GOLGA8B: variants seen among roughly 807,000 people sequenced by gnomAD.
The protein encoded by GOLGA8B is golgin subfamily A member 8B.
GOLGA8B carries 1 observed loss-of-function variant against 15.6 expected under a neutral mutation model. That is an observed-to-expected ratio of 0.06 (90% CI 0.02 to 0.30). The LOEUF (loss-of-function observed/expected upper bound fraction) is 0.30, where lower values mean the gene tolerates loss of function less well. Ranked by LOEUF, GOLGA8B falls within the 10% of genes least tolerant of loss-of-function variation. The pLI, the probability that GOLGA8B is intolerant of heterozygous loss-of-function variation, is 1.00. For missense variants in GOLGA8B, 17 were observed against 201.3 expected (o/e 0.08, Z 5.54); for synonymous variants, 9 against 80.3 (o/e 0.11, Z 4.75).
chr15:34,576,800 T>A (rs1889095285), intron 1 of GOLGA8B, among the ~76,000 whole-genome samples: 1 of 152,224 alleles, frequency 6.6e-6, no homozygotes, highest in Non-Finnish European at 1.5e-5. Context: ...CTTTCACGCG[T>A]ACCAGCCAGA....
At chr15:34,567,459 G>T (rs1888795364) in intron 1 of GOLGA8B, among the ~76,000 whole-genome samples, 1 of 151,824 alleles carries the variant, frequency 6.6e-6, no homozygotes, top group South Asian at 2.1e-4. Flanking sequence ...GCAGAGACGT[G>T]AAGCAGGCTG....
chr15:34,580,489 C>CCA (rs60400733), intron 1 of GOLGA8B, among the ~76,000 whole-genome samples: 128,130 of 151,930 alleles, frequency 0.84, 54,210 homozygotes, highest in Admixed American at 0.9. Context: ...ACGCAGGGTT[C>CCA]CAGAGAGAGC....
chr15:34,570,166 A>T (rs1595709249), intron 1 of GOLGA8B, among the ~76,000 whole-genome samples: 1 of 151,896 alleles, frequency 6.6e-6, no homozygotes, highest in Admixed American at 6.5e-5. Context: ...AGCTGAGGCT[A>T]CCAGTGGCTG....
rs1241862436 is a variant in GOLGA8B, at chr15:34,567,341, G to A, written c.-1122-13385C>T. On this transcript the variant is annotated intron_variant, in intron 1 of 23. Coordinates refer to ENST00000683415, the MANE Select transcript of GOLGA8B (RefSeq NM_001023567.5). ...TCCATACAAAACCACATGGGCCCTC[G>A]AGATCACACTGGGGCGCCCCCTTTG... is the stretch of plus-strand genomic sequence containing the variant. Among the ~76,000 whole-genome samples, 5 of 149,644 alleles carry A rather than the reference G, an allele frequency of 3.3e-5. 1 individual carries two copies. Among genetic ancestry groups the A allele is most frequent in the African/African-American group, 1.0e-4 (4 of 40,138 alleles).
intron 5 of GOLGA8B, 86 bp downstream of exon 5, chr15:34,546,845 GTTTT>G (rs971794882): frequency 1.5e-5 from 1 of 65,272 alleles, no homozygotes; most frequent in Non-Finnish European, 2.7e-5. Context: ...TTTGTGTTTT[GTTTT>G]TTTTGTTTTA....
intron 1 of GOLGA8B, among the ~76,000 whole-genome samples, chr15:34,572,676 TG>T (rs1409810359): frequency 1.3e-5 from 2 of 152,240 alleles, no homozygotes; most frequent in African/African-American, 4.8e-5. Context: ...GGGCACTGAA[TG>T]GGGCAGTGGT....
At chr15:34,578,588 C>CG (rs1422019681) in intron 1 of GOLGA8B, among the ~76,000 whole-genome samples, 1 of 152,224 alleles carries the variant, frequency 6.6e-6, no homozygotes, top group South Asian at 2.1e-4. Context: ...AGCTACCTGT[C>CG]CCCAGCCTCC....
chr15:34,573,802 C>G (rs1263506924), intron 1 of GOLGA8B, among the ~76,000 whole-genome samples: 1 of 151,824 alleles, frequency 6.6e-6, no homozygotes, highest in Non-Finnish European at 1.5e-5. Context: ...GCAGCTTTTC[C>G]TTGGATTCCT....
intron 1 of GOLGA8B, among the ~76,000 whole-genome samples, chr15:34,577,784 A>C (rs1282417990): frequency 6.6e-6 from 1 of 152,208 alleles, no homozygotes; most frequent in Non-Finnish European, 1.5e-5. Context: ...ATGCTATAAA[A>C]GATAAAACAT....
At position 34,557,676 on chromosome 15, in the gene GOLGA8B, G is replaced by GTGTGTC. The variant is rs1555405957; in HGVS notation, c.-1122-3721_-1122-3720insGACACA. On this transcript the variant is annotated intron_variant, in intron 1 of 23. Transcript: ENST00000683415. The stretch of plus-strand genomic sequence containing the variant: ...TGTGTGTGTGTGTGTGTGTGTGTGT[G>GTGTGTC]TGTGTGTCTGTGTACTGAGAGCTTG... Among the ~76,000 whole-genome samples, 167 of 107,858 alleles carry GTGTGTC rather than the reference G, an allele frequency of 1.5e-3. 9 individuals are homozygous for GTGTGTC. The highest frequency in any genetic ancestry group is 5.4e-3 in the African/African-American group (162 of 29,868). 70.8% of individuals were successfully genotyped at this position (107,858 alleles called of 152,430 possible).
At chr15:34,572,456 A>C (rs1401854383) in intron 1 of GOLGA8B, among the ~76,000 whole-genome samples, 2 of 152,262 alleles carry the variant, frequency 1.3e-5, no homozygotes, top group African/African-American at 2.4e-5. Context: ...CGTCAGAATA[A>C]TGCTGCTTGC....
intron 1 of GOLGA8B, among the ~76,000 whole-genome samples, chr15:34,573,812 T>C (rs1183272070): frequency 1.3e-5 from 2 of 151,806 alleles, no homozygotes; most frequent in Admixed American, 6.5e-5. Context: ...CTTGGATTCC[T>C]AGGACAACCA....
chr15:34,583,215 T>C (rs1392029688), intron 1 of GOLGA8B, among the ~76,000 whole-genome samples: 1 of 150,506 alleles, frequency 6.6e-6, no homozygotes, highest in Non-Finnish European at 1.5e-5. Flanking sequence ...GCGCCGAGAG[T>C]GGCCCCTCAC....
chr15:34,583,365 C>G (rs1752692084), intron 1 of GOLGA8B, among the ~76,000 whole-genome samples, 151 bp downstream of exon 1: 1 of 151,992 alleles, frequency 6.6e-6, no homozygotes, highest in Non-Finnish European at 1.5e-5. Context: ...GCGGCCTCCC[C>G]GCAGCCCCGC....
At chr15:34,576,338 G>A (rs1239403371) in intron 1 of GOLGA8B, among the ~76,000 whole-genome samples, 1 of 152,190 alleles carries the variant, frequency 6.6e-6, no homozygotes, top group Non-Finnish European at 1.5e-5. Flanking sequence ...TGATCAAGAA[G>A]AAAACCATTA....
intron 1 of GOLGA8B, among the ~76,000 whole-genome samples, chr15:34,578,401 T>C (rs927704141): frequency 5.3e-5 from 8 of 152,170 alleles, no homozygotes; most frequent in Non-Finnish European, 1.2e-4. Flanking sequence ...GCCCCTGTAC[T>C]TGCCCACCAA....
intron 1 of GOLGA8B, among the ~76,000 whole-genome samples, chr15:34,568,187 T>TA (rs1338815081): frequency 2.0e-5 from 3 of 147,460 alleles, no homozygotes; most frequent in Non-Finnish European, 4.5e-5. Context: ...AGTAGACAGT[T>TA]AAAGATTTCA....
chr15:34,573,016 G>A (rs1444953366), intron 1 of GOLGA8B, among the ~76,000 whole-genome samples: 2 of 152,172 alleles, frequency 1.3e-5, no homozygotes, highest in Non-Finnish European at 1.5e-5. Context: ...TCAGGAGACC[G>A]AGGCAGGAGG....
chr15:34,567,470 C>A (rs938286311), intron 1 of GOLGA8B, among the ~76,000 whole-genome samples: 10 of 151,774 alleles, frequency 6.6e-5, no homozygotes, highest in African/African-American at 2.2e-4. Flanking sequence ...AAGCAGGCTG[C>A]AGCTACTAAT....
Sources: allele counts gnomAD v4.1 joint callset (sites outside exome capture counted in the v4.1 genomes callset), GRCh38; gene constraint gnomAD v4.1.1; transcripts MANE v1.5; gene names NCBI Gene and HGNC (gene_info 2026-07-23, HGNC 2026-07-21).